The following DPH6 variants were observed in gnomAD, a reference collection of about 807,000 sequenced individuals.
DPH6 encodes diphthamine biosynthesis 6, also known as diphthine--ammonia ligase.
Under a neutral mutation model 38.2 loss-of-function variants are expected in DPH6, and 33 were observed. The observed-to-expected ratio is 0.86, with a 90% CI of 0.65 to 1.15. The LOEUF (loss-of-function observed/expected upper bound fraction) is 1.15. DPH6 is among the 50% of genes most tolerant of loss of function. DPH6 has a pLI of 0.00. For synonymous variants in DPH6, 108 were observed against 103.0 expected (o/e 1.05, Z -0.30); for missense variants, 325 against 320.0 (o/e 1.02, Z -0.12).
At chr15:35,496,580 A>ATATATATATATATT (rs2054561372) in intron 3 of DPH6, among the ~76,000 whole-genome samples, 1 of 128,712 alleles carries the variant, frequency 7.8e-6, no homozygotes, top group Non-Finnish European at 1.6e-5. Flanking sequence ...ATATATATAT[A>ATATATATATATATT]TATATATATA....
At chr15:35,419,343 T>C (rs151066071) in intron 5 of DPH6, among the ~76,000 whole-genome samples, 1,589 of 152,220 alleles carry the variant, frequency 0.01, 19 homozygotes, top group Non-Finnish European at 0.017. Flanking sequence ...AAAGTGACTA[T>C]CTCAGGAAGG....
rs1025666653 is a variant in DPH6, at chr15:35,472,669, T to C, written c.313-17849A>G. Reference sequence around the variant, plus strand: ...ACAGTATGTAATCATTTAAGGAAAATTGAAAGATAAAATAAAATAGACAAA... The same window carrying C: ...ACAGTATGTAATCATTTAAGGAAAACTGAAAGATAAAATAAAATAGACAAA... On this transcript the variant is annotated intron_variant, in intron 3 of 8. Transcript: ENST00000256538. 3.3e-5 allele frequency among the ~76,000 whole-genome samples: 5 copies of C among 151,842 alleles called. No individual in the cohort carries two copies. The East Asian group carries it at 9.6e-4, about 29-fold the overall frequency.
chr15:35,500,166 A>G (rs1233364683), intron 3 of DPH6, among the ~76,000 whole-genome samples: 1 of 152,208 alleles, frequency 6.6e-6, no homozygotes, highest in Non-Finnish European at 1.5e-5. Flanking sequence ...GCTACAATAT[A>G]ATCAGTATCA....
chr15:35,298,636 C>T (rs1369907876), intron 3 of DPH6: 2 of 1,059,340 alleles, frequency 1.9e-6, no homozygotes, highest in African/African-American at 1.6e-5. Flanking sequence ...TGCCACCAAG[C>T]TTGCTGGTCT....
chr15:35,349,243 G>C (rs1404284735), intron 3 of DPH6, among the ~76,000 whole-genome samples: 1 of 152,060 alleles, frequency 6.6e-6, no homozygotes, highest in Non-Finnish European at 1.5e-5. Context: ...ATCTTAAGAG[G>C]AAAAGCTTAC....
At chr15:35,356,925 C>T (rs932751770) in intron 3 of DPH6, among the ~76,000 whole-genome samples, 2 of 152,208 alleles carry the variant, frequency 1.3e-5, no homozygotes, top group Admixed American at 1.3e-4. Context: ...CTGCAGTGGG[C>T]TCCACTCAGT....
At chr15:35,225,441 G>A (rs2140387995) in intron 3 of DPH6, among the ~76,000 whole-genome samples, 1 of 152,292 alleles carries the variant, frequency 6.6e-6, no homozygotes, top group Non-Finnish European at 1.5e-5. Flanking sequence ...ATTTATATCA[G>A]TATAATAAAG....
chr15:35,293,941 C>G (rs1182009033), intron 3 of DPH6, among the ~76,000 whole-genome samples: 1 of 152,152 alleles, frequency 6.6e-6, no homozygotes, highest in Non-Finnish European at 1.5e-5. Context: ...GGCACAGTTA[C>G]CATAAAACCA....
chr15:35,312,578 T>C (rs1373568022), intron 3 of DPH6, among the ~76,000 whole-genome samples: 1 of 152,104 alleles, frequency 6.6e-6, no homozygotes, highest in African/African-American at 2.4e-5. Flanking sequence ...CCAGAATCAC[T>C]ACAGTTTAAC....
intron 6 of DPH6, among the ~76,000 whole-genome samples, chr15:35,387,141 C>T (rs559359850): frequency 6.6e-6 from 1 of 152,114 alleles, no homozygotes; most frequent in African/African-American, 2.4e-5. Context: ...TGTCAAAGAT[C>T]GGATAGTTGT....
At chr15:35,517,128 C>A (rs1029873959) in intron 3 of DPH6, among the ~76,000 whole-genome samples, 9 of 151,944 alleles carry the variant, frequency 5.9e-5, no homozygotes, top group Non-Finnish European at 1.2e-4. Flanking sequence ...GTAATGATCT[C>A]ATCTCATATT....
At position 35,236,508 on chromosome 15, in the gene DPH6, G is replaced by A. The variant is rs899851042; in HGVS notation, n.201-15926C>T. ...AAAAAAATTAGCCGGGCGTGTTGGC[G>A]GGCGCCTGTAGTCCCAGCTACTCGG... On this transcript the variant is annotated intron_variant and non_coding_transcript_variant, in intron 3 of 3. Transcript: ENST00000560386. Among the ~76,000 whole-genome samples, 8 of 152,050 alleles carry A rather than the reference G, an allele frequency of 5.3e-5. No individual in the cohort carries two copies. The South Asian group carries it at 1.0e-3, about 20-fold the overall frequency.
chr15:35,338,380 C>A (rs1367277818), intron 3 of DPH6, among the ~76,000 whole-genome samples: 1 of 152,154 alleles, frequency 6.6e-6, no homozygotes, highest in African/African-American at 2.4e-5. Flanking sequence ...AGGACATGAA[C>A]AGACACTTCT....
At chr15:35,313,341 C>T (rs1213182854) in intron 3 of DPH6, among the ~76,000 whole-genome samples, 1 of 150,526 alleles carries the variant, frequency 6.6e-6, no homozygotes, top group African/African-American at 2.5e-5. Context: ...GTTTTATATA[C>T]ATTTCAGGAT....
At chr15:35,250,090 ATG>A (rs2051662393) in intron 3 of DPH6, among the ~76,000 whole-genome samples, 2 of 152,252 alleles carry the variant, frequency 1.3e-5, no homozygotes, top group Non-Finnish European at 2.9e-5. Context: ...AGGCAGGAGA[ATG>A]GAGTGAACCC....
the DPH6 span, among the ~76,000 whole-genome samples, chr15:35,185,452 A>G: frequency 6.6e-6 from 1 of 152,184 alleles, no homozygotes; most frequent in Non-Finnish European, 1.5e-5. Flanking sequence ...AGCAGACCCT[A>G]CAGCAATATA....
intron 3 of DPH6, among the ~76,000 whole-genome samples, chr15:35,482,450 T>C (rs2054339253): frequency 6.6e-6 from 1 of 152,270 alleles, no homozygotes; most frequent in Middle Eastern, 3.4e-3. Flanking sequence ...ATAAACATTA[T>C]AAATTTACTA....
intron 3 of DPH6, among the ~76,000 whole-genome samples, chr15:35,236,267 A>G (rs1411207758): frequency 6.6e-6 from 1 of 152,254 alleles, no homozygotes; most frequent in South Asian, 2.1e-4. Context: ...GGAATAATTT[A>G]GTATAGTTAA....
At chr15:35,318,733 A>G (rs1184741554) in intron 3 of DPH6, among the ~76,000 whole-genome samples, 1 of 152,136 alleles carries the variant, frequency 6.6e-6, no homozygotes, top group African/African-American at 2.4e-5. Flanking sequence ...TACTGCAGAA[A>G]CTGATCCAGG....
Sources: gnomAD v4.1 joint callset for allele counts (sites outside exome capture counted in the v4.1 genomes callset) on GRCh38, gnomAD v4.1.1 for gene constraint, MANE v1.5 for transcripts, NCBI Gene and HGNC (gene_info 2026-07-23, HGNC 2026-07-21) for gene names.